SMG6: variants seen among roughly 807,000 people sequenced by gnomAD.
The protein encoded by SMG6 is telomerase-binding protein EST1A.
A neutral mutation model predicts 142.2 loss-of-function variants in SMG6; 66 were observed. That is an observed-to-expected ratio of 0.46 (90% CI 0.38 to 0.57). The LOEUF (loss-of-function observed/expected upper bound fraction) is 0.57, where lower values mean the gene tolerates loss of function less well. SMG6 is among the 20% of genes least tolerant of loss of function. The pLI is 0.00. For missense variants in SMG6, 1,793 were observed against 1,832.0 expected, an observed-to-expected ratio of 0.98 and a Z score of 0.39; for synonymous variants, 779 against 702.4, an observed-to-expected ratio of 1.11 and a Z score of -1.72.
chr17:2,270,034 G>GA (rs1386321220), intron 8 of SMG6, among the ~76,000 whole-genome samples: 1 of 151,654 alleles, frequency 6.6e-6, no homozygotes, highest in Non-Finnish European at 1.5e-5. Flanking sequence ...GTCTCAAAAC[G>GA]AAAAAAACAA....
At position 2,279,444 on chromosome 17, in the gene SMG6, C is replaced by G. The variant is rs1003777060; in HGVS notation, c.2661+3203G>C. On this transcript the variant is annotated intron_variant, in intron 8 of 18. Transcript: ENST00000263073. ...GCACACAGAAATAACTAAACACTTT[C>G]AAGAAGGCAGTGGCATGATCAGAAA... Among the ~76,000 whole-genome samples the G allele has an allele frequency of 6.6e-5, 10 of 152,302 alleles. No homozygotes were observed. The East Asian group carries it at 1.3e-3, about 21-fold the overall frequency.
In SMG6 at chr17:2,085,342, C is replaced by T. The variant is rs2068530093; in HGVS notation, c.3534+383G>A. Among the ~76,000 whole-genome samples the T allele has an allele frequency of 6.6e-6, 1 of 152,152 alleles. No individual in the cohort carries two copies. The highest frequency in any genetic ancestry group is 2.4e-5 in the African/African-American group (1 of 41,432). On this transcript the variant is annotated intron_variant, in intron 14 of 18. Coordinates refer to ENST00000263073, the MANE Select transcript of SMG6 (RefSeq NM_017575.5). This position sits in a 1 kb window ranked among gnomAD's most constrained non-coding sequence, Gnocchi z 4.1. Reference sequence around the variant, plus strand: ...ACAGGGCCAGCAATGTCAGCTCTTCCTGTACGTGTGCTGGAGGCTGGAGTT... The same window carrying T: ...ACAGGGCCAGCAATGTCAGCTCTTCTTGTACGTGTGCTGGAGGCTGGAGTT...
rs1308144852 is a variant in SMG6, at chr17:2,297,258, C to T, written c.2136G>A (p.Lys712=). The change falls in exon 4 of 19, where the codon AAG becomes AAA. Residue 712 remains lysine (K), a synonymous_variant. Coordinates refer to ENST00000263073, the MANE Select transcript of SMG6 (RefSeq NM_017575.5). ...GGTAGCTTACTGTCTTGCGTAATGGCTTGCTGCGAATGGCAAGACCATCCA... is the reference window on the plus strand; with the variant it reads ...GGTAGCTTACTGTCTTGCGTAATGGTTTGCTGCGAATGGCAAGACCATCCA... ...DYMDGLAIRS[K]PLRKTVKYAL... 6.2e-7 allele frequency: 1 copy of T among 1,605,960 alleles called. No individual in the cohort carries two copies. Among genetic ancestry groups the T allele is most frequent in the South Asian group, 1.1e-5 (1 of 89,194 alleles).
chr17:2,288,878 G>C (rs1001085707), intron 6 of SMG6, among the ~76,000 whole-genome samples: 1 of 151,896 alleles, frequency 6.6e-6, no homozygotes, highest in Non-Finnish European at 1.5e-5. Context: ...AGGAGATTGA[G>C]ACCATCCTGG....
At chr17:2,165,050 T>C (rs1197695055) in intron 13 of SMG6, among the ~76,000 whole-genome samples, 1 of 152,204 alleles carries the variant, frequency 6.6e-6, no homozygotes, top group Non-Finnish European at 1.5e-5. Context: ...GTGGGGGTGT[T>C]ACTTTGCCTA....
At chr17:2,257,835 A>C (rs1340157932) in intron 8 of SMG6, among the ~76,000 whole-genome samples, 1 of 151,336 alleles carries the variant, frequency 6.6e-6, no homozygotes, top group African/African-American at 2.4e-5. Context: ...AAATGGCGAA[A>C]CCCCATCTCT....
chr17:2,193,895 AC>A (rs2072239471), intron 10 of SMG6, among the ~76,000 whole-genome samples: 1 of 152,310 alleles, frequency 6.6e-6, no homozygotes, highest in Non-Finnish European at 1.5e-5. Context: ...CAGTGGTACA[AC>A]TGTGGCTCAG....
At chr17:2,207,772 T>C (rs1362445003) in intron 10 of SMG6, among the ~76,000 whole-genome samples, 3 of 152,210 alleles carry the variant, frequency 2.0e-5, no homozygotes, top group African/African-American at 4.8e-5. Context: ...ATTTATATTT[T>C]AACACTGGTA....
At chr17:2,265,739 T>G (rs549288999) in intron 8 of SMG6, among the ~76,000 whole-genome samples, 63 of 152,316 alleles carry the variant, frequency 4.1e-4, no homozygotes, top group Non-Finnish European at 8.2e-4. Flanking sequence ...TAAAAACCAT[T>G]CTTAGCTCAT....
chr17:2,165,809 G>C (rs1001822924), intron 13 of SMG6, among the ~76,000 whole-genome samples: 2 of 152,132 alleles, frequency 1.3e-5, no homozygotes, highest in Non-Finnish European at 2.9e-5. Flanking sequence ...GGAGGCTGAG[G>C]GGGGAGGATC....
At chr17:2,130,410 G>C (rs1452372605) in intron 13 of SMG6, among the ~76,000 whole-genome samples, 2 of 151,618 alleles carry the variant, frequency 1.3e-5, no homozygotes, top group African/African-American at 2.4e-5. Context: ...CATAAAAGAA[G>C]ACCTGAATAA....
intron 13 of SMG6, among the ~76,000 whole-genome samples, chr17:2,102,861 A>G (rs368988694): frequency 1.3e-5 from 2 of 152,104 alleles, no homozygotes; most frequent in East Asian, 1.9e-4. Flanking sequence ...GGACTCTTTC[A>G]GATTCTACAT....
chr17:2,249,715 A>T (rs2074006320), intron 8 of SMG6, among the ~76,000 whole-genome samples: 1 of 152,248 alleles, frequency 6.6e-6, no homozygotes, highest in Non-Finnish European at 1.5e-5. Flanking sequence ...ACCTGCGTTC[A>T]GATCTTCCTT....
At chr17:2,186,871 G>A (rs1382031491) in intron 11 of SMG6, 40 bp from the exon 12 acceptor site, 1 of 1,602,784 alleles carries the variant, frequency 6.2e-7, no homozygotes, top group Non-Finnish European at 8.5e-7. Flanking sequence ...TATGTCTGCT[G>A]TAGCCCCCGA....
chr17:2,258,668 G>C (rs762051574), intron 8 of SMG6, among the ~76,000 whole-genome samples: 1 of 151,714 alleles, frequency 6.6e-6, no homozygotes, highest in East Asian at 1.9e-4. Flanking sequence ...GCGTGGTGGT[G>C]CAGCCTGTAG....
chr17:2,289,546 G>A (rs927703754), intron 6 of SMG6, among the ~76,000 whole-genome samples: 1 of 152,098 alleles, frequency 6.6e-6, no homozygotes, highest in South Asian at 2.1e-4. Flanking sequence ...GACAGAGTGC[G>A]ATCCTATCTC....
intron 13 of SMG6, among the ~76,000 whole-genome samples, chr17:2,120,809 T>C (rs1231302474): frequency 1.3e-5 from 2 of 152,138 alleles, no homozygotes; most frequent in Non-Finnish European, 2.9e-5. Context: ...ACCACACACC[T>C]ACCAGAAAGA....
intron 8 of SMG6, chr17:2,266,226 C>A: frequency 1.0e-6 from 1 of 976,564 alleles, no homozygotes; most frequent in Non-Finnish European, 1.2e-6. Flanking sequence ...AACTAAAGGT[C>A]ACGTGGGGTG....
At chr17:2,202,010 C>G (rs897462644) in intron 10 of SMG6, among the ~76,000 whole-genome samples, 1 of 150,388 alleles carries the variant, frequency 6.6e-6, no homozygotes, top group Non-Finnish European at 1.5e-5. Context: ...GGCAAGAGAG[C>G]GAGACTCCAT....
Sources: allele counts gnomAD v4.1 joint callset (sites outside exome capture counted in the v4.1 genomes callset), GRCh38; gene constraint gnomAD v4.1.1; non-coding constraint Gnocchi (gnomAD v3.1); transcripts MANE v1.5; gene names NCBI Gene and HGNC (gene_info 2026-07-23, HGNC 2026-07-21).